Variants in LRRK2 observed in about 807,000 individuals in gnomAD.
The protein encoded by LRRK2 is leucine rich repeat kinase 2.
In LRRK2, 203 loss-of-function variants were observed where a neutral mutation model predicts 302.6. The observed-to-expected ratio is 0.67, with a 90% CI of 0.60 to 0.75. The LOEUF (loss-of-function observed/expected upper bound fraction) is 0.75. Among genes scored for constraint, LRRK2 ranks in the 30% least tolerant of loss-of-function variants. The pLI, the probability that LRRK2 is intolerant of heterozygous loss-of-function variation, is 0.00. For missense variants in LRRK2, 2,830 were observed against 2,951.0 expected (o/e 0.96, Z 0.95); for synonymous variants, 1,066 against 1,031.9 (o/e 1.03, Z -0.63).
chr12:40,229,955 CTTTTTTTTTTT>C (rs71078229), intron 2 of LRRK2, among the ~76,000 whole-genome samples: 12,621 of 93,140 alleles, frequency 0.14, 751 homozygotes, highest in South Asian at 0.23. Flanking sequence ...TCCTATGTGA[CTTTTTTTTTTT>C]TTTTTTTTTT....
intron 38 of LRRK2, among the ~76,000 whole-genome samples, chr12:40,324,121 T>A (rs1357374977): frequency 6.6e-6 from 1 of 152,158 alleles, no homozygotes; most frequent in Non-Finnish European, 1.5e-5. Flanking sequence ...AGATTACATG[T>A]GTGGTTTCTC....
Position 40,251,320 on chromosome 12 carries a change from G to C in LRRK2, c.1047G>C (p.Trp349Cys). 1 of 1,613,702 alleles carries C rather than the reference G, an allele frequency of 6.2e-7. No individual in the cohort carries two copies. Among genetic ancestry groups the C allele is most frequent in the Non-Finnish European group, 8.5e-7 (1 of 1,179,814 alleles). Residue 349 changes from tryptophan (W) to cysteine (C), a missense_variant, in exon 9 of 51, where the codon TGG becomes TGC. Physicochemically the swap from Trp to Cys is radical, Grantham distance 215. Transcript: ENST00000298910. The stretch of plus-strand genomic sequence containing the variant: ...AGGGGGAAGAAGATAAATTGTTTTG[G>C]CTGGAAGCCTGTTACAAAGCATTAA... ...DDEGEEDKLFWLEACYKALTW... is the reference protein window; with the variant it reads ...DDEGEEDKLFCLEACYKALTW...
intron 20 of LRRK2, among the ~76,000 whole-genome samples, chr12:40,292,782 A>G (rs1944209121): frequency 6.6e-6 from 1 of 151,922 alleles, no homozygotes; most frequent in South Asian, 2.1e-4. Flanking sequence ...TTAATTTTTC[A>G]CAAATGCATT....
At chr12:40,269,891 A>G (rs1943164691) in intron 14 of LRRK2, among the ~76,000 whole-genome samples, 1 of 152,096 alleles carries the variant, frequency 6.6e-6, no homozygotes, top group South Asian at 2.1e-4. Flanking sequence ...GTAGCAAAGT[A>G]TATGTTTGCT....
At chr12:40,245,248 C>T (rs1444606662) in intron 7 of LRRK2, among the ~76,000 whole-genome samples, 1 of 151,904 alleles carries the variant, frequency 6.6e-6, no homozygotes, top group African/African-American at 2.4e-5. Flanking sequence ...GAACCCAATT[C>T]CCCCTCTTTT....
chr12:40,248,115 T>A (rs1233070614), intron 7 of LRRK2, among the ~76,000 whole-genome samples: 1 of 152,178 alleles, frequency 6.6e-6, no homozygotes, highest in Non-Finnish European at 1.5e-5. Context: ...AATGTTTTAA[T>A]CTAATTCAAA....
At chr12:40,299,840 G>A (rs1447864369) in intron 25 of LRRK2, among the ~76,000 whole-genome samples, 5 of 152,056 alleles carry the variant, frequency 3.3e-5, no homozygotes, top group Non-Finnish European at 5.9e-5. Context: ...TGGTGGTGGT[G>A]GTGAGGGAAG....
At chr12:40,248,046 C>T (rs1942088446) in intron 7 of LRRK2, among the ~76,000 whole-genome samples, 1 of 151,740 alleles carries the variant, frequency 6.6e-6, no homozygotes, top group Non-Finnish European at 1.5e-5. Flanking sequence ...ATCAGGTGAC[C>T]CTTTATTCAT....
intron 35 of LRRK2, 40 bp downstream of exon 35, chr12:40,321,228 A>G (rs1321086525): frequency 6.4e-7 from 1 of 1,566,550 alleles, no homozygotes; most frequent in South Asian, 1.1e-5. Flanking sequence ...TTTAGAGACT[A>G]TTAATTTAGA....
chr12:40,239,902 T>C (rs1335894953), intron 5 of LRRK2, among the ~76,000 whole-genome samples: 5 of 152,190 alleles, frequency 3.3e-5, no homozygotes, highest in African/African-American at 1.2e-4. Context: ...TTCAGGTTGT[T>C]GCCCAATAAC....
intron 4 of LRRK2, among the ~76,000 whole-genome samples, chr12:40,237,617 G>A (rs916593025): frequency 2.0e-5 from 3 of 152,138 alleles, no homozygotes; most frequent in Non-Finnish European, 4.4e-5. Flanking sequence ...GGGAACAGGA[G>A]TAGGCCAGGT....
rs1592290776 is a variant in LRRK2, at chr12:40,325,697, G to C, written c.5656+2391G>C. Among the ~76,000 whole-genome samples, 3 of 152,170 alleles carry C rather than the reference G, an allele frequency of 2.0e-5. No homozygotes were observed. In the East Asian group the frequency reaches 5.8e-4, roughly 29 times the overall value. On this transcript the variant is annotated intron_variant, in intron 38 of 50. Coordinates refer to ENST00000298910, the MANE Select transcript of LRRK2 (RefSeq NM_198578.4). ...TAGCGACTCCAGCATCTTTATATTA[G>C]AGTAATCTGGAGAAGGTTATGCCTC...
At chr12:40,302,211 T>TA (rs982196246) in intron 25 of LRRK2, among the ~76,000 whole-genome samples, 5 of 151,794 alleles carry the variant, frequency 3.3e-5, no homozygotes, top group Admixed American at 1.3e-4. Flanking sequence ...TAATAAAAAA[T>TA]AAAAAAATCA....
chr12:40,272,659 A>T (rs1352153707), intron 14 of LRRK2, among the ~76,000 whole-genome samples: 1 of 152,174 alleles, frequency 6.6e-6, no homozygotes, highest in Non-Finnish European at 1.5e-5. Context: ...TTTGGAGGTA[A>T]AAGAAGACAT....
chr12:40,232,022 T>C (rs539130118), intron 2 of LRRK2, among the ~76,000 whole-genome samples: 1 of 152,076 alleles, frequency 6.6e-6, no homozygotes, highest in East Asian at 1.9e-4. Flanking sequence ...CACATTGGTC[T>C]CAAACTGCCG....
chr12:40,320,396 T>C (rs1945365489), intron 34 of LRRK2, among the ~76,000 whole-genome samples: 3 of 152,114 alleles, frequency 2.0e-5, no homozygotes, highest in African/African-American at 7.2e-5. Context: ...GTATAGTTAC[T>C]AGTTGGCTTA....
At chr12:40,255,370 CA>C (rs1565684519) in intron 11 of LRRK2, among the ~76,000 whole-genome samples, 2 of 152,132 alleles carry the variant, frequency 1.3e-5, no homozygotes. Flanking sequence ...CCTCTGAAAG[CA>C]GTTAATTTCC....
chr12:40,251,470 C>T lies in LRRK2; in HGVS notation c.1107C>T (p.Ala369=), dbSNP rs201261152. 1.6e-5 allele frequency: 26 copies of T among 1,611,506 alleles called. No individual in the cohort carries two copies. Among genetic ancestry groups the T allele is most frequent in the Middle Eastern group, 1.7e-4 (1 of 6,050 alleles). ...TTTTTTCTCCCCTAATCCAGGAGGC[C>T]GCATGCTGGGCACTAAATAATCTCC... The part of the protein sequence containing the change: ...WHRKNKHVQE[A]ACWALNNLLM... Residue 369 remains alanine (A), a synonymous_variant, in exon 10 of 51, where the codon GCC becomes GCT. Coordinates refer to ENST00000298910, the MANE Select transcript of LRRK2 (RefSeq NM_198578.4).
At chr12:40,332,934 G>C (rs1396099588) in intron 39 of LRRK2, among the ~76,000 whole-genome samples, 3 of 147,868 alleles carry the variant, frequency 2.0e-5, no homozygotes, top group South Asian at 4.3e-4. Flanking sequence ...AAAAAAAAAG[G>C]GGTGTGCATA....
Sources: allele counts gnomAD v4.1 joint callset (sites outside exome capture counted in the v4.1 genomes callset), GRCh38; gene constraint gnomAD v4.1.1; transcripts MANE v1.5; gene names NCBI Gene and HGNC (gene_info 2026-07-23, HGNC 2026-07-21).